The following CARD10 variants were observed in gnomAD, a reference collection of about 807,000 sequenced individuals.
CARD10 encodes the protein caspase recruitment domain-containing protein 10.
CARD10 carries 49 observed loss-of-function variants against 114.6 expected under a neutral mutation model. That is an observed-to-expected ratio of 0.43 (90% CI 0.34 to 0.54). The LOEUF (loss-of-function observed/expected upper bound fraction) is 0.54. Among genes scored for constraint, CARD10 ranks in the 20% least tolerant of loss-of-function variants. The pLI, the probability that CARD10 is intolerant of heterozygous loss-of-function variation, is 0.03. For missense variants in CARD10, 1,206 were observed against 1,397.2 expected, an observed-to-expected ratio of 0.86 and a Z score of 2.18; for synonymous variants, 602 against 593.2, an observed-to-expected ratio of 1.01 and a Z score of -0.21.
At chr22:37,497,875 G>C (rs1315602474) in intron 11 of CARD10, among the ~76,000 whole-genome samples, 1 of 150,994 alleles carries the variant, frequency 6.6e-6, no homozygotes, top group Non-Finnish European at 1.5e-5. Context: ...AAAAAAGCTT[G>C]TTATGCTCAC....
intron 19 of CARD10, 130 bp from the exon 20 acceptor site, chr22:37,491,523 G>C: frequency 3.9e-6 from 1 of 253,556 alleles, no homozygotes; most frequent in Non-Finnish European, 6.2e-6. Flanking sequence ...ACAGATGGCA[G>C]ATGGAGATGG....
chr22:37,516,896 C>T (rs1923861735), intron 2 of CARD10, among the ~76,000 whole-genome samples: 1 of 152,204 alleles, frequency 6.6e-6, no homozygotes, highest in Non-Finnish European at 1.5e-5. Context: ...AACCTGTGAA[C>T]TGTATCACTC....
Position 37,519,273 on chromosome 22 carries a change from G to A in CARD10, c.-73C>T. Reference sequence around the variant, plus strand: ...AGGGCTCCCTAGGGCTAGATGTGCGGCCAAGCACCCCCGGGGCGTCGTCCG... The same window carrying A: ...AGGGCTCCCTAGGGCTAGATGTGCGACCAAGCACCCCCGGGGCGTCGTCCG... On this transcript the variant is annotated 5_prime_UTR_variant, in exon 1 of 20. Coordinates refer to ENST00000251973, the MANE Select transcript of CARD10 (RefSeq NM_014550.4). This position sits in a 1 kb window ranked among gnomAD's most constrained non-coding sequence, Gnocchi z 4.1. The A allele has an allele frequency of 2.2e-6, 3 of 1,389,642 alleles. No homozygotes were observed. The highest frequency in any genetic ancestry group is 2.8e-6 in the Non-Finnish European group (3 of 1,075,230). 86.1% of individuals were successfully genotyped at this position (1,389,642 alleles called of 1,614,324 possible).
At chr22:37,505,227 T>C (rs1199059568) in intron 7 of CARD10, among the ~76,000 whole-genome samples, 2 of 150,734 alleles carry the variant, frequency 1.3e-5, no homozygotes, top group Non-Finnish European at 2.9e-5. Context: ...CTCTTGGCCA[T>C]GAAAAGGGAC....
chr22:37,492,735 C>A lies in CARD10; in HGVS notation c.2544G>T (p.Val848=). 1.2e-6 allele frequency: 2 copies of A among 1,613,010 alleles called. No individual in the cohort carries two copies. Among genetic ancestry groups the A allele is most frequent in the Non-Finnish European group, 1.7e-6 (2 of 1,179,942 alleles). Residue 848 remains valine (V), a synonymous_variant, in exon 17 of 20, where the codon GTG becomes GTT. Coordinates refer to ENST00000251973, the MANE Select transcript of CARD10 (RefSeq NM_014550.4). The surrounding 1 kb of genome is among the most constrained non-coding windows in gnomAD (Gnocchi z 5.7). ...RPLLVSALRP[V]VLLPECLAPR... The stretch of plus-strand genomic sequence containing the variant: ...GCGCCAGGCACTCAGGCAACAGCAC[C>A]ACGGGCCGCAGGGCAGACACCAGTA...
At position 37,519,282 on chromosome 22, in the gene CARD10, C is replaced by T; in HGVS notation, c.-82G>A. Reference sequence around the variant, plus strand: ...TAGGGCTAGATGTGCGGCCAAGCACCCCCGGGGCGTCGTCCGCAGACCCGC... The same window carrying T: ...TAGGGCTAGATGTGCGGCCAAGCACTCCCGGGGCGTCGTCCGCAGACCCGC... On this transcript the variant is annotated 5_prime_UTR_variant, in exon 1 of 20. Transcript: ENST00000251973. This position sits in a 1 kb window ranked among gnomAD's most constrained non-coding sequence, Gnocchi z 4.1. 3 of 1,366,502 alleles carry T rather than the reference C, an allele frequency of 2.2e-6. No individual in the cohort carries two copies. The highest frequency in any genetic ancestry group is 3.4e-5 in the Admixed American group (1 of 29,300). The allele number at this position is 1,366,502 out of a possible 1,614,324, so 84.6% of individuals were successfully genotyped here.
chr22:37,494,232 C>T (rs1286362922), intron 15 of CARD10, 44 bp from the exon 16 acceptor site: 16 of 1,373,798 alleles, frequency 1.2e-5, no homozygotes, highest in African/African-American at 5.8e-5. Context: ...AGCTCAGCCC[C>T]GCCCCCTCAG....
Position 37,508,508 on chromosome 22 carries a change from G to A in CARD10, c.1065+19C>T, listed in dbSNP as rs1015273884. ...TGACACCCTCCCGCACAAGGGGCAGGGCACGGGCAGGGCCCCACCTGGTCG... is the reference window on the plus strand; with the variant it reads ...TGACACCCTCCCGCACAAGGGGCAGAGCACGGGCAGGGCCCCACCTGGTCG... On this transcript the variant is annotated intron_variant, in intron 5 of 19. Transcript: ENST00000251973. 1.9e-6 allele frequency: 3 copies of A among 1,575,094 alleles called. No individual in the cohort carries two copies. Among genetic ancestry groups the A allele is most frequent in the East Asian group, 2.3e-5 (1 of 44,306 alleles).
In CARD10 at chr22:37,494,132, C is replaced by T. The variant is rs1220200696; in HGVS notation, c.2430G>A (p.Ala810=). The T allele has an allele frequency of 7.7e-6, 12 of 1,560,222 alleles. No homozygotes were observed. Among genetic ancestry groups the T allele is most frequent in the South Asian group, 1.2e-5 (1 of 84,700 alleles). ...GCTGATCCGGGGAGTCCCCTGCAGG[C>T]GCCCCCACGGGCTTGGGCCTCACCA... is the stretch of plus-strand genomic sequence containing the variant. ...LRLVRPKPVG[A]PAGDSPDQLL... is the part of the protein sequence containing the mutation. The change falls in exon 16 of 20, where the codon GCG becomes GCA. Residue 810 remains alanine (A), a synonymous_variant. Transcript: ENST00000251973.
chr22:37,497,407 G>A (rs1923044497), intron 11 of CARD10, among the ~76,000 whole-genome samples: 1 of 152,200 alleles, frequency 6.6e-6, no homozygotes, highest in Non-Finnish European at 1.5e-5. Context: ...GGCACACGGT[G>A]CAGTGGAGCC....
In CARD10 at chr22:37,492,231, C is replaced by G. The variant is rs1446979164; in HGVS notation, c.2751+204G>C. On this transcript the variant is annotated intron_variant, in intron 18 of 19. Transcript: ENST00000251973. The surrounding 1 kb of genome is among the most constrained non-coding windows in gnomAD (Gnocchi z 5.7). ...GTCAGCCAAACACCTCAAGGGGGGCCCACATGCAGTCAACTGCCCCCACCC... is the reference window on the plus strand; with the variant it reads ...GTCAGCCAAACACCTCAAGGGGGGCGCACATGCAGTCAACTGCCCCCACCC... 6.6e-6 allele frequency among the ~76,000 whole-genome samples: 1 copy of G among 152,170 alleles called. No homozygotes were observed. The highest frequency in any genetic ancestry group is 1.5e-5 in the Non-Finnish European group (1 of 68,024).
rs1441391614 is a variant in CARD10 at position 37,519,204 on chromosome 22, C to A, written c.-4G>T. ...CCGCCTCCGCCCGGCCCGGCATGGC[C>A]GTGTCCTCAGGGTCTGCGGGCAAGA... On this transcript the variant is annotated 5_prime_UTR_variant, in exon 1 of 20. Coordinates refer to ENST00000251973, the MANE Select transcript of CARD10 (RefSeq NM_014550.4). The surrounding 1 kb of genome is among the most constrained non-coding windows in gnomAD (Gnocchi z 4.1). The A allele has an allele frequency of 2.0e-6, 3 of 1,522,352 alleles. No homozygotes were observed. The allele number at this position is 1,522,352 out of a possible 1,614,324, so 94.3% of individuals were successfully genotyped here. A position where few individuals can be genotyped will look rare whatever the true frequency, so the allele number is the denominator to read the frequency against.
Position 37,492,562 on chromosome 22 carries a change from G to T in CARD10, c.2636-12C>A. 1 of 1,602,030 alleles carries T rather than the reference G, an allele frequency of 6.2e-7. No homozygotes were observed. The highest frequency in any genetic ancestry group is 8.5e-7 in the Non-Finnish European group (1 of 1,172,928). On this transcript the variant is annotated splice_polypyrimidine_tract_variant and intron_variant, in intron 17 of 19. Coordinates refer to ENST00000251973, the MANE Select transcript of CARD10 (RefSeq NM_014550.4). The surrounding 1 kb of genome is among the most constrained non-coding windows in gnomAD (Gnocchi z 5.7). ...CCCAGAGAGGCTTTCTGCACAGGGA[G>T]TGGAGAGGGAGAGATGAAGGATCCA...
Position 37,504,746 on chromosome 22 carries a change from CAG to C in CARD10, c.1405_1406del (p.Leu469ValfsTer33), listed in dbSNP as rs1923344887. 1 of 1,562,758 alleles carries C rather than the reference CAG, an allele frequency of 6.4e-7. No individual in the cohort carries two copies. The highest frequency in any genetic ancestry group is 2.4e-5 in the East Asian group (1 of 41,804). On this transcript the variant is annotated frameshift_variant, in exon 8 of 20. Coordinates refer to ENST00000251973, the MANE Select transcript of CARD10 (RefSeq NM_014550.4). LOFTEE classifies it high-confidence loss of function. ...CLKACASSHSLCSNLSSTWSL... is the reference protein window; with the variant it reads ...CLKACASSHSXCSNLSSTWSL... ...TCCAAGTGCTGCTGAGGTTGGAGCA[CAG>C]GGAATGGGAGGAGGCACAGGCCTGG...
At chr22:37,513,271 C>T (rs191887547) in intron 3 of CARD10, among the ~76,000 whole-genome samples, 7 of 152,062 alleles carry the variant, frequency 4.6e-5, no homozygotes, top group Non-Finnish European at 8.8e-5. Context: ...CCACCACGCC[C>T]GGCTAATTTT....
rs114282555 is a variant in CARD10, at chr22:37,514,988, G to A, written c.699+985C>T. Among the ~76,000 whole-genome samples, 1,201 of 152,336 alleles carry A rather than the reference G, an allele frequency of 7.9e-3. 23 individuals carry two copies. Among genetic ancestry groups the A allele is most frequent in the African/African-American group, 0.028 (1,159 of 41,564 alleles). On this transcript the variant is annotated intron_variant, in intron 3 of 19. Coordinates refer to ENST00000251973, the MANE Select transcript of CARD10 (RefSeq NM_014550.4). ...GACTTCCCCACACAGGGAGTAGGCG[G>A]AACAGCAGCGTGGGAAGGGGGCTGG...
At chr22:37,494,564 A>C in intron 15 of CARD10, 1 of 245,810 alleles carries the variant, frequency 4.1e-6, no homozygotes, top group Non-Finnish European at 7.9e-6. Context: ...TAGCAATGTG[A>C]CCTTGGTAGA....
Position 37,491,281 on chromosome 22 carries a change from C to T in CARD10, c.2977G>A (p.Glu993Lys), listed in dbSNP as rs1254254046. ...PCSWVQVPAH[E>K]WGHAEELAKV... ...GCCAGCTCCTCTGCGTGTCCCCACT[C>T]ATGGGCGGGCACCTGCACCCAGGAG... Residue 993 changes from glutamate (E) to lysine (K), a missense_variant, in exon 20 of 20, where the codon GAG (glutamate) becomes AAG (lysine). Glu to Lys is a moderately conservative substitution (Grantham distance 56). Coordinates refer to ENST00000251973, the MANE Select transcript of CARD10 (RefSeq NM_014550.4). 3 of 1,569,750 alleles carry T rather than the reference C, an allele frequency of 1.9e-6. No homozygotes were observed. The highest frequency in any genetic ancestry group is 1.8e-5 in the Admixed American group (1 of 55,036).
intron 18 of CARD10, 64 bp from the exon 19 acceptor site, chr22:37,491,931 C>G: frequency 8.1e-6 from 9 of 1,111,618 alleles, no homozygotes; most frequent in Non-Finnish European, 1.2e-5. Context: ...CCATGCGCTG[C>G]CCCCAGACGG....
Sources: gnomAD v4.1 joint callset for allele counts (sites outside exome capture counted in the v4.1 genomes callset) on GRCh38, gnomAD v4.1.1 for gene constraint, Gnocchi (gnomAD v3.1) non-coding constraint, MANE v1.5 for transcripts, NCBI Gene and HGNC (gene_info 2026-07-23, HGNC 2026-07-21) for gene names.